CSMD1: variants seen among roughly 807,000 people sequenced by gnomAD.
The protein encoded by CSMD1 is CUB and Sushi multiple domains 1, also known as CUB and sushi domain-containing protein 1.
Under a neutral mutation model 417.5 loss-of-function variants are expected in CSMD1, and 213 were observed. That is an observed-to-expected ratio of 0.51 (90% CI 0.46 to 0.57). The LOEUF is 0.57. CSMD1 is among the 20% of genes least tolerant of loss of function. The pLI is 0.00. For missense variants in CSMD1, 6,923 were observed against 4,529.7 expected (o/e 1.53, Z -15.17); for synonymous variants, 2,862 against 1,736.8 (o/e 1.65, Z -16.11).
intron 3 of CSMD1, among the ~76,000 whole-genome samples, chr8:4,218,229 T>C (rs1185479288): frequency 6.6e-6 from 1 of 152,206 alleles, no homozygotes; most frequent in Non-Finnish European, 1.5e-5. Flanking sequence ...ATTTTATGAG[T>C]ATCCCAGGGA....
At chr8:3,761,816 C>G (rs1047629990) in intron 5 of CSMD1, among the ~76,000 whole-genome samples, 2 of 152,100 alleles carry the variant, frequency 1.3e-5, no homozygotes, top group African/African-American at 2.4e-5. Context: ...AAAATTACCA[C>G]TTTCTACAAG....
intron 11 of CSMD1, among the ~76,000 whole-genome samples, chr8:3,481,271 T>G (rs1817735771): frequency 6.6e-6 from 1 of 151,822 alleles, no homozygotes; most frequent in Non-Finnish European, 1.5e-5. Context: ...AACTTTTACC[T>G]GTGTTTTCAA....
intron 1 of CSMD1, among the ~76,000 whole-genome samples, chr8:4,799,279 C>G (rs1451552245): frequency 6.6e-6 from 1 of 152,094 alleles, no homozygotes; most frequent in Non-Finnish European, 1.5e-5. Context: ...AAGGAATGAT[C>G]AATTGGTAAA....
At chr8:4,325,945 C>G (rs139991035) in intron 3 of CSMD1, among the ~76,000 whole-genome samples, 1 of 152,178 alleles carries the variant, frequency 6.6e-6, no homozygotes, top group Non-Finnish European at 1.5e-5. Context: ...TTTTTCTGTT[C>G]ACGGTCATAT....
intron 5 of CSMD1, among the ~76,000 whole-genome samples, chr8:3,800,672 T>C (rs1017530797): frequency 3.3e-5 from 5 of 152,190 alleles, no homozygotes; most frequent in African/African-American, 9.6e-5. Flanking sequence ...GGCTTGGTGA[T>C]ATTCTCGTGG....
At chr8:4,352,596 A>C (rs1801161956) in intron 3 of CSMD1, among the ~76,000 whole-genome samples, 1 of 152,250 alleles carries the variant, frequency 6.6e-6, no homozygotes, top group Admixed American at 6.5e-5. Context: ...CAAGTAGCTA[A>C]GTTTGAGAAA....
At chr8:3,732,663 C>T (rs747648513) in intron 6 of CSMD1, among the ~76,000 whole-genome samples, 1 of 152,128 alleles carries the variant, frequency 6.6e-6, no homozygotes, top group East Asian at 1.9e-4. Flanking sequence ...AGAGTTCAAT[C>T]CTAAATTGAT....
chr8:3,126,718 G>A (rs1585415959), intron 41 of CSMD1, among the ~76,000 whole-genome samples: 1 of 152,142 alleles, frequency 6.6e-6, no homozygotes, highest in Non-Finnish European at 1.5e-5. Flanking sequence ...GCCTAATTAT[G>A]CTCCATTTGT....
At chr8:4,504,869 A>G (rs963412760) in intron 2 of CSMD1, among the ~76,000 whole-genome samples, 3 of 152,052 alleles carry the variant, frequency 2.0e-5, no homozygotes, top group Non-Finnish European at 2.9e-5. Context: ...TATTTTCTCT[A>G]TCCAGTCTGT....
chr8:4,421,918 A>T (rs933821219), intron 2 of CSMD1, among the ~76,000 whole-genome samples: 13 of 152,090 alleles, frequency 8.5e-5, no homozygotes, highest in African/African-American at 2.9e-4. Context: ...TGACTAAATA[A>T]TTGGGAGTTT....
intron 3 of CSMD1, among the ~76,000 whole-genome samples, chr8:4,045,831 C>A (rs557006694): frequency 6.6e-6 from 1 of 152,058 alleles, no homozygotes; most frequent in Non-Finnish European, 1.5e-5. Context: ...CTTCATCATC[C>A]CCTTTTTCTT....
At chr8:3,507,614 CCCA>C (rs1796883708) in intron 10 of CSMD1, among the ~76,000 whole-genome samples, 2 of 152,166 alleles carry the variant, frequency 1.3e-5, no homozygotes, top group Non-Finnish European at 2.9e-5. Context: ...AGTTTACATT[CCCA>C]CCAACAGTGT....
At chr8:4,805,013 A>G (rs1163860764) in intron 1 of CSMD1, among the ~76,000 whole-genome samples, 1 of 152,210 alleles carries the variant, frequency 6.6e-6, no homozygotes, top group Non-Finnish European at 1.5e-5. Context: ...AATCTAGTAG[A>G]AGGTAGAATT....
At chr8:4,104,438 G>GCA (rs58522554) in intron 3 of CSMD1, among the ~76,000 whole-genome samples, 32,166 of 151,366 alleles carry the variant, frequency 0.21, 3,665 homozygotes, top group South Asian at 0.36. Flanking sequence ...GCACACGCAT[G>GCA]CACACACACA....
At chr8:3,328,595 G>A (rs972222353) in intron 23 of CSMD1, among the ~76,000 whole-genome samples, 21 of 152,144 alleles carry the variant, frequency 1.4e-4, no homozygotes, top group Non-Finnish European at 2.1e-4. Flanking sequence ...TCGCTCCAAT[G>A]TACATATAGT....
chr8:3,478,837 G>A (rs1471186416), intron 11 of CSMD1, among the ~76,000 whole-genome samples: 4 of 152,188 alleles, frequency 2.6e-5, no homozygotes, highest in South Asian at 4.1e-4. Context: ...GAACCTGCAA[G>A]AGGGATGCAG....
In CSMD1 at chr8:3,605,937, C is replaced by G. The variant is rs142240112; in HGVS notation, c.1097+10773G>C. On this transcript the variant is annotated intron_variant, in intron 8 of 69. Coordinates refer to ENST00000635120, the MANE Select transcript of CSMD1 (RefSeq NM_033225.6). ...ATATCCCTAGAGACTGGCTTGTTAG[C>G]CTCAGTTTAATCCATTCAACAGAGG... 1.6e-4 allele frequency among the ~76,000 whole-genome samples: 24 copies of G among 152,222 alleles called. No individual in the cohort carries two copies. In the East Asian group the frequency reaches 4.6e-3, roughly 29 times the overall value.
At chr8:4,395,136 T>C (rs942202655) in intron 3 of CSMD1, among the ~76,000 whole-genome samples, 1 of 152,162 alleles carries the variant, frequency 6.6e-6, no homozygotes, top group African/African-American at 2.4e-5. Flanking sequence ...CTGAAGCCCT[T>C]TGTCCCTGCT....
At position 3,649,177 on chromosome 8, in the gene CSMD1, G is replaced by A. The variant is rs1209288251; in HGVS notation, c.1010-32380C>T. Among the ~76,000 whole-genome samples the A allele has an allele frequency of 3.9e-5, 6 of 151,944 alleles. No homozygotes were observed. In the South Asian group the frequency reaches 8.3e-4, roughly 21 times the overall value. ...ATTTAGTCTGTGAAAACAACTTTTC[G>A]GCAATGGCAGGTTTGTACTGATACC... is the stretch of plus-strand genomic sequence containing the variant. On this transcript the variant is annotated intron_variant, in intron 7 of 69. Transcript: ENST00000635120.
Sources: allele counts gnomAD v4.1 joint callset (sites outside exome capture counted in the v4.1 genomes callset), GRCh38; gene constraint gnomAD v4.1.1; transcripts MANE v1.5; gene names NCBI Gene and HGNC (gene_info 2026-07-23, HGNC 2026-07-21).